Variants in RBFOX1 observed in about 807,000 individuals in gnomAD.
RBFOX1 encodes RNA binding fox-1 homolog 1.
A neutral mutation model predicts 57.7 loss-of-function variants in RBFOX1; 8 were observed. That is an observed-to-expected ratio of 0.14 (90% CI 0.08 to 0.25). The LOEUF is 0.25. RBFOX1 is among the 10% of genes least tolerant of loss of function. The pLI is 1.00. For synonymous variants in RBFOX1, 326 were observed against 222.4 expected, an observed-to-expected ratio of 1.47 and a Z score of -4.15; for missense variants, 611 against 548.5, an observed-to-expected ratio of 1.11 and a Z score of -1.14.
intron 2 of RBFOX1, among the ~76,000 whole-genome samples, chr16:6,544,451 C>T (rs865779925): frequency 6.6e-6 from 1 of 152,164 alleles, no homozygotes; most frequent in Non-Finnish European, 1.5e-5. Context: ...AACGGATGTT[C>T]TGGGAGGCAC....
chr16:7,164,720 G>A (rs562661807), intron 4 of RBFOX1, among the ~76,000 whole-genome samples: 1 of 152,252 alleles, frequency 6.6e-6, no homozygotes, highest in South Asian at 2.1e-4. Context: ...CCTACCTCAT[G>A]GCTGTATAGA....
At chr16:6,978,501 A>G (rs575932878) in intron 3 of RBFOX1, among the ~76,000 whole-genome samples, 7 of 152,248 alleles carry the variant, frequency 4.6e-5, no homozygotes, top group South Asian at 4.2e-4. Flanking sequence ...TATTATCTCC[A>G]TTTTACAGAA....
At chr16:5,621,781 A>G (rs971190560) in intron 3 of RBFOX1, among the ~76,000 whole-genome samples, 3 of 152,180 alleles carry the variant, frequency 2.0e-5, no homozygotes, top group Admixed American at 2.0e-4. Context: ...CAGTGAAACC[A>G]TCATGTGGGT....
intron 3 of RBFOX1, among the ~76,000 whole-genome samples, chr16:5,651,710 C>T (rs563516714): frequency 6.6e-4 from 100 of 152,312 alleles, no homozygotes; most frequent in African/African-American, 2.3e-3. Context: ...GATACCCATC[C>T]CTGCCTGCTT....
chr16:6,236,793 T>G (rs1447352094), intron 1 of RBFOX1, among the ~76,000 whole-genome samples: 1 of 152,110 alleles, frequency 6.6e-6, no homozygotes, highest in Non-Finnish European at 1.5e-5. Context: ...GTGTGTTATG[T>G]CCACACGTTT....
chr16:6,147,305 C>G (rs990060207), intron 1 of RBFOX1, among the ~76,000 whole-genome samples: 7 of 152,236 alleles, frequency 4.6e-5, no homozygotes, highest in Admixed American at 3.3e-4. Context: ...ATTCTGTGCT[C>G]TCATAAGTAC....
At chr16:6,840,243 C>A (rs964408352) in intron 3 of RBFOX1, among the ~76,000 whole-genome samples, 11 of 152,082 alleles carry the variant, frequency 7.2e-5, no homozygotes, top group African/African-American at 2.7e-4. Flanking sequence ...AAAGCTTTGT[C>A]CATCTTTTAG....
intron 11 of RBFOX1, among the ~76,000 whole-genome samples, chr16:7,644,430 G>C (rs1400939796): frequency 6.6e-6 from 1 of 152,188 alleles, no homozygotes; most frequent in African/African-American, 2.4e-5. Context: ...AATTACTCCA[G>C]TTATCACTGC....
chr16:7,183,608 C>T lies in RBFOX1; in HGVS notation c.27+131510C>T, dbSNP rs2083160704. 2.6e-5 allele frequency among the ~76,000 whole-genome samples: 4 copies of T among 152,244 alleles called. No individual in the cohort carries two copies. The East Asian group carries it at 7.7e-4, about 29-fold the overall frequency. ...TATTTTTTTTCCAGGCTTTCAGAAG[C>T]CTGCATTAATAATCTCTTAGGGTCC... On this transcript the variant is annotated intron_variant, in intron 4 of 15. Transcript: ENST00000550418.
At chr16:7,369,420 C>G (rs1456893691) in intron 4 of RBFOX1, among the ~76,000 whole-genome samples, 2 of 152,128 alleles carry the variant, frequency 1.3e-5, no homozygotes, top group African/African-American at 4.8e-5. Flanking sequence ...TCTCCTCTCA[C>G]TATTAATTCA....
chr16:6,618,261 C>G (rs2098172493), intron 2 of RBFOX1, among the ~76,000 whole-genome samples: 2 of 152,030 alleles, frequency 1.3e-5, no homozygotes, highest in Non-Finnish European at 2.9e-5. Context: ...ATGTGTATAC[C>G]CTAGAAAAAT....
At chr16:6,854,687 T>C (rs11641885) in intron 3 of RBFOX1, among the ~76,000 whole-genome samples, 114,910 of 148,616 alleles carry the variant, frequency 0.77, 45,276 homozygotes, top group African/African-American at 0.92. Flanking sequence ...CTCCGCCTCC[T>C]GGGTTCAAGT....
intron 3 of RBFOX1, among the ~76,000 whole-genome samples, chr16:6,723,019 A>G (rs2066340539): frequency 6.6e-6 from 1 of 152,118 alleles, no homozygotes; most frequent in African/African-American, 2.4e-5. Flanking sequence ...CTCCCATCAG[A>G]GATAAGTGGA....
intron 3 of RBFOX1, among the ~76,000 whole-genome samples, chr16:6,788,698 A>G (rs141663902): frequency 0.026 from 3,869 of 151,664 alleles, 168 homozygotes; most frequent in African/African-American, 0.089. Context: ...GATGGTCTCT[A>G]TCTCCTGATC....
At chr16:6,018,157 G>T (rs2095009352), upstream of RBFOX1, among the ~76,000 whole-genome samples, 1 of 151,498 alleles carries the variant, frequency 6.6e-6, no homozygotes, top group Non-Finnish European at 1.5e-5. Context: ...GAAAAAAGAG[G>T]AAGGGAGAAA....
chr16:6,322,582 C>A (rs765676738), intron 2 of RBFOX1, among the ~76,000 whole-genome samples: 1 of 152,078 alleles, frequency 6.6e-6, no homozygotes, highest in Non-Finnish European at 1.5e-5. Flanking sequence ...CAATTTTCAA[C>A]GTAGGAAGTT....
chr16:5,586,595 T>G (rs2046836169), intron 2 of RBFOX1, among the ~76,000 whole-genome samples: 1 of 152,196 alleles, frequency 6.6e-6, no homozygotes, highest in African/African-American at 2.4e-5. Flanking sequence ...CCTCCTGGGC[T>G]CAAGCAATCT....
chr16:7,437,522 A>C (rs755074453), intron 4 of RBFOX1, among the ~76,000 whole-genome samples: 6 of 152,296 alleles, frequency 3.9e-5, no homozygotes, highest in Middle Eastern at 3.4e-3. Flanking sequence ...GCTGCAGAGT[A>C]CCATTTCCAT....
intron 1 of RBFOX1, among the ~76,000 whole-genome samples, chr16:5,313,025 A>T (rs1276426371): frequency 2.0e-5 from 3 of 151,944 alleles, no homozygotes; most frequent in Admixed American, 1.3e-4. Context: ...TGGCAGGCTC[A>T]GTGATGAGAT....
Sources: allele counts gnomAD v4.1 joint callset (sites outside exome capture counted in the v4.1 genomes callset), GRCh38; gene constraint gnomAD v4.1.1; transcripts MANE v1.5; gene names NCBI Gene and HGNC (gene_info 2026-07-23, HGNC 2026-07-21).